FAR2: variants seen among roughly 807,000 people sequenced by gnomAD.
FAR2 encodes the protein epididymis secretory protein Li 81.
Under a neutral mutation model 56.0 loss-of-function variants are expected in FAR2, and 19 were observed. The ratio of observed to expected loss-of-function variants is 0.34; its 90% CI spans 0.24 to 0.50. FAR2 has a LOEUF of 0.50. Among genes scored for constraint, FAR2 ranks in the 20% least tolerant of loss-of-function variants. FAR2 has a pLI of 0.98. For synonymous variants in FAR2, 219 were observed against 218.8 expected (o/e 1.00, Z -0.01); for missense variants, 508 against 642.2 (o/e 0.79, Z 2.26).
intron 1 of FAR2, among the ~76,000 whole-genome samples, chr12:29,264,987 A>T (rs1948489315): frequency 6.6e-6 from 1 of 152,214 alleles, no homozygotes; most frequent in South Asian, 2.1e-4. Context: ...AGATCTCTAC[A>T]ATAAAACCTA....
chr12:29,233,543 G>T (rs1010833877), intron 1 of FAR2, among the ~76,000 whole-genome samples: 1 of 152,138 alleles, frequency 6.6e-6, no homozygotes, highest in African/African-American at 2.4e-5. Flanking sequence ...TTCCTTGCCT[G>T]CATGCATTTA....
chr12:29,235,381 G>A (rs781388752), intron 1 of FAR2, among the ~76,000 whole-genome samples: 34 of 152,278 alleles, frequency 2.2e-4, no homozygotes, highest in Non-Finnish European at 3.8e-4. Flanking sequence ...CCATGCTGGG[G>A]TTGCAATTTT....
chr12:29,264,383 C>T (rs567073488), intron 1 of FAR2, among the ~76,000 whole-genome samples: 30 of 152,128 alleles, frequency 2.0e-4, no homozygotes, highest in Non-Finnish European at 3.2e-4. Context: ...TGGGGAAAAA[C>T]GAAAAGCCTT....
At position 29,236,043 on chromosome 12, in the gene FAR2, C is replaced by T. The variant is rs141486780; in HGVS notation, c.-38-34369C>T. Among the ~76,000 whole-genome samples, 51 of 152,166 alleles carry T rather than the reference C, an allele frequency of 3.4e-4. No homozygotes were observed. In the East Asian group the frequency reaches 9.7e-3, roughly 29 times the overall value. On this transcript the variant is annotated intron_variant, in intron 1 of 11. Coordinates refer to ENST00000536681, the MANE Select transcript of FAR2 (RefSeq NM_001271783.2). Reference sequence around the variant, plus strand: ...ATTCCAAAATAGCTAGAAGAGAGTACTTTGAATGTTCTCACTGCAAAGAAA... The same window carrying T: ...ATTCCAAAATAGCTAGAAGAGAGTATTTTGAATGTTCTCACTGCAAAGAAA...
intron 4 of FAR2, among the ~76,000 whole-genome samples, chr12:29,300,629 AGTTGTTGTTGTTGTT>A (rs34282694): frequency 6.7e-6 from 1 of 150,100 alleles, no homozygotes; most frequent in Non-Finnish European, 1.5e-5. Flanking sequence ...CCTGGGGGAA[AGTTGTTGTTGTTGTT>A]GTTGTTGTTG....
At chr12:29,314,591 C>T (rs1366378380) in intron 8 of FAR2, among the ~76,000 whole-genome samples, 2 of 151,950 alleles carry the variant, frequency 1.3e-5, no homozygotes, top group Non-Finnish European at 2.9e-5. Flanking sequence ...TCTCAGAAAG[C>T]CTTTCCTAAC....
chr12:29,207,537 G>A (rs1947489726), intron 1 of FAR2, among the ~76,000 whole-genome samples: 1 of 152,108 alleles, frequency 6.6e-6, no homozygotes, highest in South Asian at 2.1e-4. Context: ...CAGAATTACG[G>A]ATGCTTTCAC....
At chr12:29,321,515 A>G (rs1464180582) in intron 9 of FAR2, among the ~76,000 whole-genome samples, 1 of 152,212 alleles carries the variant, frequency 6.6e-6, no homozygotes, top group African/African-American at 2.4e-5. Flanking sequence ...TAGTTGGCTC[A>G]CTTTTAAAAT....
chr12:29,268,968 A>G (rs959735323), intron 1 of FAR2, among the ~76,000 whole-genome samples: 6 of 152,188 alleles, frequency 3.9e-5, no homozygotes, highest in Non-Finnish European at 7.3e-5. Context: ...TCACAAGGCA[A>G]GTGGAGGCAG....
intron 1 of FAR2, among the ~76,000 whole-genome samples, chr12:29,188,963 G>A (rs983299264): frequency 6.6e-6 from 1 of 151,990 alleles, no homozygotes; most frequent in Admixed American, 6.6e-5. Context: ...GTTTTTGATA[G>A]GTAGCCACAT....
intron 1 of FAR2, among the ~76,000 whole-genome samples, chr12:29,251,150 G>C (rs1453350747): frequency 1.3e-5 from 2 of 152,174 alleles, no homozygotes; most frequent in African/African-American, 4.8e-5. Flanking sequence ...AAACAGAAAA[G>C]TTCAAGGTCA....
intron 10 of FAR2, among the ~76,000 whole-genome samples, chr12:29,323,919 G>A (rs898568283): frequency 6.6e-5 from 10 of 152,212 alleles, no homozygotes; most frequent in Admixed American, 6.5e-5. Flanking sequence ...CGAGTTGAGA[G>A]AGGAAGGCTT....
At chr12:29,247,952 A>G (rs1367824630) in intron 1 of FAR2, among the ~76,000 whole-genome samples, 2 of 152,238 alleles carry the variant, frequency 1.3e-5, no homozygotes, top group African/African-American at 2.4e-5. Flanking sequence ...AGGAAGTAAG[A>G]ACCCAAAGGG....
At chr12:29,222,394 A>G (rs1219202670) in intron 1 of FAR2, among the ~76,000 whole-genome samples, 1 of 152,198 alleles carries the variant, frequency 6.6e-6, no homozygotes, top group Non-Finnish European at 1.5e-5. Context: ...AGGGGTCAAG[A>G]CTATTGCACT....
intron 1 of FAR2, among the ~76,000 whole-genome samples, chr12:29,225,823 A>G (rs1947759621): frequency 6.6e-6 from 1 of 152,244 alleles, no homozygotes; most frequent in African/African-American, 2.4e-5. Context: ...AAATGATTGC[A>G]GCTTTCTTCA....
At chr12:29,234,487 G>C (rs1215876987) in intron 1 of FAR2, among the ~76,000 whole-genome samples, 1 of 151,984 alleles carries the variant, frequency 6.6e-6, no homozygotes, top group Non-Finnish European at 1.5e-5. Context: ...GCTATATTTT[G>C]ATTCAGGCTC....
chr12:29,167,267 CT>C (rs1288158235), intron 1 of FAR2, among the ~76,000 whole-genome samples: 2 of 152,028 alleles, frequency 1.3e-5, no homozygotes, highest in African/African-American at 2.4e-5. Context: ...GAGCTTTTTC[CT>C]TTACTTGCAA....
intron 1 of FAR2, among the ~76,000 whole-genome samples, chr12:29,162,869 T>A (rs1304709398): frequency 6.6e-6 from 1 of 152,254 alleles, no homozygotes; most frequent in African/African-American, 2.4e-5. Flanking sequence ...CCATTCATTC[T>A]TTGACGCATT....
At chr12:29,254,950 C>CAAA (rs759782873) in intron 1 of FAR2, among the ~76,000 whole-genome samples, 6 of 121,536 alleles carry the variant, frequency 4.9e-5, no homozygotes, top group Admixed American at 7.9e-5. Flanking sequence ...AAGACTGTCT[C>CAAA]AAAAAAAAAA....
Sources: gnomAD v4.1 joint callset for allele counts (sites outside exome capture counted in the v4.1 genomes callset) on GRCh38, gnomAD v4.1.1 for gene constraint, MANE v1.5 for transcripts, NCBI Gene and HGNC (gene_info 2026-07-23, HGNC 2026-07-21) for gene names.